Variants in BORCS5 observed in about 807,000 individuals in gnomAD.
The protein encoded by BORCS5 is BLOC-1 related complex subunit 5.
BORCS5 carries 17 observed loss-of-function variants against 22.1 expected under a neutral mutation model. That is an observed-to-expected ratio of 0.77 (90% CI 0.53 to 1.15). The LOEUF is 1.15. Among genes scored for constraint, BORCS5 ranks in the 50% most tolerant of loss-of-function variants. BORCS5 has a pLI of 0.00. For missense variants in BORCS5, 247 were observed against 253.2 expected, an observed-to-expected ratio of 0.98 and a Z score of 0.17; for synonymous variants, 117 against 99.8, an observed-to-expected ratio of 1.17 and a Z score of -1.03.
At chr12:12,385,021 AT>A (rs1863851374) in intron 2 of BORCS5, among the ~76,000 whole-genome samples, 2 of 151,276 alleles carry the variant, frequency 1.3e-5, no homozygotes, top group African/African-American at 4.9e-5. Flanking sequence ...AACCACCTTG[AT>A]CAGGAAGGCT....
chr12:12,375,232 C>T, intron 2 of BORCS5, among the ~76,000 whole-genome samples: 1 of 152,144 alleles, frequency 6.6e-6, no homozygotes, highest in East Asian at 1.9e-4. Context: ...AAGCTGGTCT[C>T]AAATTCCTGA....
At chr12:12,375,962 G>A (rs1312645217) in intron 2 of BORCS5, among the ~76,000 whole-genome samples, 2 of 151,758 alleles carry the variant, frequency 1.3e-5, no homozygotes, top group Non-Finnish European at 2.9e-5. Flanking sequence ...CCACCACCGC[G>A]CACAGCTAAT....
intron 2 of BORCS5, among the ~76,000 whole-genome samples, chr12:12,422,273 CT>C (rs1942149727): frequency 6.9e-6 from 1 of 145,602 alleles, no homozygotes; most frequent in Non-Finnish European, 1.5e-5. Flanking sequence ...ACCAGCTTAG[CT>C]TTCTTTTCTT....
At chr12:12,406,197 T>C (rs1941591008) in intron 2 of BORCS5, among the ~76,000 whole-genome samples, 1 of 152,254 alleles carries the variant, frequency 6.6e-6, no homozygotes, top group Admixed American at 6.5e-5. Flanking sequence ...TGCCAACTCA[T>C]TGTGTCTTAA....
At chr12:12,383,294 T>C (rs1863813704) in intron 2 of BORCS5, among the ~76,000 whole-genome samples, 2 of 151,502 alleles carry the variant, frequency 1.3e-5, no homozygotes, top group South Asian at 4.2e-4. Flanking sequence ...TTCACCCTTT[T>C]TTGTGCTATT....
chr12:12,414,626 A>C (rs1941867613), intron 2 of BORCS5, among the ~76,000 whole-genome samples: 1 of 85,052 alleles, frequency 1.2e-5, no homozygotes, highest in South Asian at 3.7e-4. Flanking sequence ...ACTTCCCAGT[A>C]GGGGCGGCCG....
intron 2 of BORCS5, among the ~76,000 whole-genome samples, chr12:12,401,948 C>T (rs1941488626): frequency 6.6e-6 from 1 of 151,286 alleles, no homozygotes; most frequent in Non-Finnish European, 1.5e-5. Context: ...CGCCTGTAGT[C>T]CCAGCTACTC....
At chr12:12,416,966 T>A (rs1258889452) in intron 2 of BORCS5, among the ~76,000 whole-genome samples, 5 of 151,496 alleles carry the variant, frequency 3.3e-5, no homozygotes, top group Non-Finnish European at 7.4e-5. Flanking sequence ...ATTTTTTTTT[T>A]TTTTAGTAGA....
At chr12:12,440,065 A>T (rs1942650650) in intron 3 of BORCS5, among the ~76,000 whole-genome samples, 1 of 152,232 alleles carries the variant, frequency 6.6e-6, no homozygotes, top group Non-Finnish European at 1.5e-5. Flanking sequence ...GTGTTAGTGG[A>T]AGTATATAAC....
chr12:12,450,665 G>A (rs1435085932), intron 3 of BORCS5, among the ~76,000 whole-genome samples: 1 of 152,172 alleles, frequency 6.6e-6, no homozygotes, highest in African/African-American at 2.4e-5. Context: ...GCTGACTTTT[G>A]AATTAATTAG....
At chr12:12,360,559 T>C (rs1359967212) in intron 1 of BORCS5, among the ~76,000 whole-genome samples, 1 of 143,074 alleles carries the variant, frequency 7.0e-6, no homozygotes, top group African/African-American at 2.6e-5. Flanking sequence ...TCTGACTAAT[T>C]AAAAGAAATT....
chr12:12,389,296 C>A (rs1863950721), intron 2 of BORCS5, among the ~76,000 whole-genome samples: 1 of 150,430 alleles, frequency 6.6e-6, no homozygotes, highest in African/African-American at 2.4e-5. Context: ...CACCACCACG[C>A]CTGGCTAATT....
chr12:12,385,491 T>G (rs1863859874), intron 2 of BORCS5, among the ~76,000 whole-genome samples: 1 of 150,306 alleles, frequency 6.7e-6, no homozygotes, highest in Non-Finnish European at 1.5e-5. Flanking sequence ...ATGACACAGA[T>G]TCTCACTATT....
At chr12:12,426,634 A>T (rs1413454523) in intron 2 of BORCS5, among the ~76,000 whole-genome samples, 1 of 152,222 alleles carries the variant, frequency 6.6e-6, no homozygotes, top group Non-Finnish European at 1.5e-5. Context: ...TACTTCTCTG[A>T]GACTTAAGAA....
intron 2 of BORCS5, among the ~76,000 whole-genome samples, chr12:12,421,163 TC>T (rs1942112911): frequency 1.3e-5 from 2 of 152,200 alleles, no homozygotes. Context: ...TTTTGCCCAT[TC>T]GGTATGATAC....
chr12:12,429,802 G>T (rs1942375585), intron 2 of BORCS5, among the ~76,000 whole-genome samples: 1 of 152,186 alleles, frequency 6.6e-6, no homozygotes, highest in South Asian at 2.1e-4. Flanking sequence ...GGCTGGCCCT[G>T]TAGCCTTCCT....
At chr12:12,424,685 T>C (rs1565900079) in intron 2 of BORCS5, among the ~76,000 whole-genome samples, 1 of 151,732 alleles carries the variant, frequency 6.6e-6, no homozygotes, top group Non-Finnish European at 1.5e-5. Context: ...CTTCTCTGGG[T>C]TTACTGTTTT....
chr12:12,418,069 G>A (rs1459102402), intron 2 of BORCS5, among the ~76,000 whole-genome samples: 1 of 151,042 alleles, frequency 6.6e-6, no homozygotes, highest in Non-Finnish European at 1.5e-5. Flanking sequence ...TGTCGCCCAG[G>A]CTGGAGTGCA....
chr12:12,402,126 A>G (rs1941495839), intron 2 of BORCS5, among the ~76,000 whole-genome samples: 1 of 152,036 alleles, frequency 6.6e-6, no homozygotes, highest in South Asian at 2.1e-4. Context: ...AAATATAAAT[A>G]TAGTTTAATC....
Sources: allele counts gnomAD v4.1 joint callset (sites outside exome capture counted in the v4.1 genomes callset), GRCh38; gene constraint gnomAD v4.1.1; transcripts MANE v1.5; gene names NCBI Gene and HGNC (gene_info 2026-07-23, HGNC 2026-07-21).